The following PXK variants were observed in gnomAD, a reference collection of about 807,000 sequenced individuals.
PXK encodes PX domain-containing protein kinase-like protein.
A neutral mutation model predicts 84.7 loss-of-function variants in PXK; 35 were observed. The ratio of observed to expected loss-of-function variants is 0.41; its 90% confidence interval spans 0.32 to 0.55. The LOEUF (loss-of-function observed/expected upper bound fraction) is 0.55. PXK is among the 20% of genes least tolerant of loss of function. PXK has a pLI of 0.21. For missense variants in PXK, 634 were observed against 699.7 expected, an observed-to-expected ratio of 0.91 and a Z score of 1.06; for synonymous variants, 253 against 260.8, an observed-to-expected ratio of 0.97 and a Z score of 0.29.
At chr3:58,340,493 G>A (rs62258070) in intron 1 of PXK, among the ~76,000 whole-genome samples, 34,023 of 151,044 alleles carry the variant, frequency 0.23, 5,729 homozygotes, top group East Asian at 0.82. Flanking sequence ...TTGGGAGGCT[G>A]AGGTGGATGG....
At chr3:58,374,679 A>G (rs189689442) in intron 3 of PXK, among the ~76,000 whole-genome samples, 23 of 152,266 alleles carry the variant, frequency 1.5e-4, no homozygotes, top group African/African-American at 5.3e-4. Flanking sequence ...TGGCTTAGAG[A>G]CTTTATTATT....
At chr3:58,396,142 C>A (rs2057626379) in intron 9 of PXK, among the ~76,000 whole-genome samples, 1 of 152,162 alleles carries the variant, frequency 6.6e-6, no homozygotes, top group African/African-American at 2.4e-5. Flanking sequence ...TCCGACATCA[C>A]CCTCTAGATC....
chr3:58,340,587 G>A (rs187980195), intron 1 of PXK, among the ~76,000 whole-genome samples: 180 of 152,152 alleles, frequency 1.2e-3, no homozygotes, highest in Non-Finnish European at 2.1e-3. Flanking sequence ...TTAGCCAGGC[G>A]TGGTGGCGCA....
intron 2 of PXK, 122 bp downstream of exon 2, chr3:58,366,046 TCTTTTAGCTATAAA>T: frequency 1.2e-6 from 1 of 811,578 alleles, no homozygotes; most frequent in Non-Finnish European, 1.9e-6. Context: ...AAATCATGTT[TCTTTTAGCTATAAA>T]CTTTTAGCTT....
chr3:58,389,686 A>AAG (rs1371589235), intron 4 of PXK, among the ~76,000 whole-genome samples: 1 of 151,450 alleles, frequency 6.6e-6, no homozygotes, highest in East Asian at 1.9e-4. Flanking sequence ...ACAAAAAAAA[A>AAG]AACCACACGC....
intron 4 of PXK, among the ~76,000 whole-genome samples, chr3:58,386,289 A>ATTTTTTTTTTTTT (rs2098549912): frequency 9.2e-5 from 4 of 43,456 alleles, no homozygotes; most frequent in Non-Finnish European, 2.1e-4. Flanking sequence ...TATCCCCCTT[A>ATTTTTTTTTTTTT]CTTTTTTTTT....
chr3:58,369,532 A>C, intron 3 of PXK, 54 bp downstream of exon 3: 1 of 1,492,010 alleles, frequency 6.7e-7, no homozygotes, highest in Non-Finnish European at 9.3e-7. Flanking sequence ...GTGTCTAAAA[A>C]ACTGGCTGGA....
intron 2 of PXK, among the ~76,000 whole-genome samples, chr3:58,368,330 T>TC (rs1666067746): frequency 1.3e-5 from 2 of 152,010 alleles, no homozygotes. Context: ...TGTGAGCCCT[T>TC]CTTTTTTTTT....
At chr3:58,351,398 TGTGTGTGTG>T (rs1559887057) in intron 1 of PXK, among the ~76,000 whole-genome samples, 10 of 71,790 alleles carry the variant, frequency 1.4e-4, no homozygotes, top group South Asian at 3.9e-4. Flanking sequence ...TAGCTATTTG[TGTGTGTGTG>T]TGTGTGTGTG....
At position 58,416,244 on chromosome 3, in the gene PXK, G is replaced by C. The variant is rs1226171007; in HGVS notation, c.1528+3281G>C. 3.3e-5 allele frequency among the ~76,000 whole-genome samples: 5 copies of C among 152,086 alleles called. No homozygotes were observed. The highest frequency in any genetic ancestry group is 6.5e-5 in the Admixed American group (1 of 15,272). Reference sequence around the variant, plus strand: ...ACTTCTCTGGAGCTTTAACTTCCTTGGCTATTGTTCTTAAGCCACTTATTA... The same window carrying C: ...ACTTCTCTGGAGCTTTAACTTCCTTCGCTATTGTTCTTAAGCCACTTATTA... On this transcript the variant is annotated intron_variant, in intron 17 of 17. Transcript: ENST00000356151. This position sits in a 1 kb window ranked among gnomAD's most constrained non-coding sequence, Gnocchi z 4.8.
intron 17 of PXK, chr3:58,420,834 G>A (rs1249184604): frequency 7.8e-7 from 1 of 1,288,526 alleles, no homozygotes; most frequent in East Asian, 3.4e-5. Context: ...TCTAAAACCT[G>A]CAAATCAACT....
At chr3:58,391,261 G>A (rs754771153) in intron 6 of PXK, 41 bp downstream of exon 6, 1 of 1,529,642 alleles carries the variant, frequency 6.5e-7, no homozygotes, top group Admixed American at 1.7e-5. Flanking sequence ...AGTGACTTTA[G>A]ATGGGTTAAT....
At chr3:58,374,095 CTG>C (rs2098416086) in intron 3 of PXK, among the ~76,000 whole-genome samples, 2 of 149,920 alleles carry the variant, frequency 1.3e-5, no homozygotes, top group South Asian at 4.2e-4. Context: ...TTTTCTGAAA[CTG>C]TAATATAGTT....
intron 1 of PXK, among the ~76,000 whole-genome samples, chr3:58,338,261 A>AC (rs2097659348): frequency 6.8e-6 from 1 of 147,658 alleles, no homozygotes; most frequent in South Asian, 2.1e-4. Context: ...AATCCCTTTA[A>AC]CCCGGGAGGT....
intron 6 of PXK, 137 bp downstream of exon 6, chr3:58,391,357 A>G: frequency 1.4e-6 from 1 of 722,100 alleles, no homozygotes; most frequent in Non-Finnish European, 2.3e-6. Context: ...TGTCAAAGAA[A>G]AGTCATTTTG....
intron 1 of PXK, among the ~76,000 whole-genome samples, chr3:58,344,123 T>G (rs2097778650): frequency 6.6e-6 from 1 of 152,132 alleles, no homozygotes; most frequent in African/African-American, 2.4e-5. Context: ...ATCTGTAAAG[T>G]GAGGATAGAA....
chr3:58,385,349 A>C lies in PXK; in HGVS notation c.388+2649A>C, dbSNP rs2098542417. On this transcript the variant is annotated intron_variant, in intron 4 of 17. Coordinates refer to ENST00000356151, the MANE Select transcript of PXK (RefSeq NM_017771.5). The surrounding 1 kb of genome is among the most constrained non-coding windows in gnomAD (Gnocchi z 5.1). ...AAATTTCGGAGTTTGTCTAGCCTCA[A>C]GGCTGACATACCAGCCACCTCAGGA... Among the ~76,000 whole-genome samples the C allele has an allele frequency of 6.6e-6, 1 of 152,228 alleles. No homozygotes were observed. Among genetic ancestry groups the C allele is most frequent in the African/African-American group, 2.4e-5 (1 of 41,466 alleles).
rs528158028 is a variant in PXK at position 58,413,162 on chromosome 3, G to T, written c.1528+199G>T. 1.4e-5 allele frequency: 9 copies of T among 630,590 alleles called. No homozygotes were observed. In the East Asian group the frequency reaches 1.7e-4, roughly 12 times the overall value. The allele number at this position is 630,590 out of a possible 1,614,324, so 39.1% of individuals were successfully genotyped here. A position where few individuals can be genotyped will look rare whatever the true frequency, so the allele number is the denominator to read the frequency against. Reference sequence around the variant, plus strand: ...GATTTCCAAGCTCGGCTTTCACAGGGAATGGACCGGTTTCAGGGCCACTAG... The same window carrying T: ...GATTTCCAAGCTCGGCTTTCACAGGTAATGGACCGGTTTCAGGGCCACTAG... On this transcript the variant is annotated intron_variant, in intron 17 of 17. Transcript: ENST00000356151.
At position 58,370,548 on chromosome 3, in the gene PXK, G is replaced by T. The variant is rs1470950677; in HGVS notation, c.201+1070G>T. On this transcript the variant is annotated intron_variant, in intron 3 of 17. Transcript: ENST00000356151. The surrounding 1 kb of genome is among the most constrained non-coding windows in gnomAD (Gnocchi z 4.2). ...ATGAGGTAAAGGACTCAGCCAGGAGGGAAAGGACTGCTCCCGTCATTGGTG... is the reference window on the plus strand; with the variant it reads ...ATGAGGTAAAGGACTCAGCCAGGAGTGAAAGGACTGCTCCCGTCATTGGTG... Among the ~76,000 whole-genome samples, 1 of 152,176 alleles carries T rather than the reference G, an allele frequency of 6.6e-6. No homozygotes were observed. Among genetic ancestry groups the T allele is most frequent in the African/African-American group, 2.4e-5 (1 of 41,434 alleles).
Sources: allele counts gnomAD v4.1 joint callset (sites outside exome capture counted in the v4.1 genomes callset), GRCh38; gene constraint gnomAD v4.1.1; non-coding constraint Gnocchi (gnomAD v3.1); transcripts MANE v1.5; gene names NCBI Gene and HGNC (gene_info 2026-07-23, HGNC 2026-07-21).